The following CDH10 variants were observed in gnomAD, a reference collection of about 807,000 sequenced individuals.
CDH10 encodes the protein cadherin-10.
CDH10 carries 30 observed loss-of-function variants against 73.1 expected under a neutral mutation model. The observed-to-expected ratio is 0.41, with a 90% CI of 0.31 to 0.56. The LOEUF (loss-of-function observed/expected upper bound fraction) is 0.56, where lower values mean the gene tolerates loss of function less well. Ranked by LOEUF, CDH10 falls within the 20% of genes least tolerant of loss-of-function variation. CDH10 has a pLI of 0.27. For missense variants in CDH10, 815 were observed against 973.7 expected, an observed-to-expected ratio of 0.84 and a Z score of 2.17; for synonymous variants, 345 against 348.2, an observed-to-expected ratio of 0.99 and a Z score of 0.10.
chr5:24,555,698 T>A (rs1426280481), intron 2 of CDH10, among the ~76,000 whole-genome samples: 3 of 152,182 alleles, frequency 2.0e-5, no homozygotes, highest in Non-Finnish European at 4.4e-5. Context: ...GATTATCATC[T>A]ATCCTCAAAT....
chr5:24,510,762 T>C (rs977297806), intron 6 of CDH10, among the ~76,000 whole-genome samples: 1 of 152,228 alleles, frequency 6.6e-6, no homozygotes, highest in African/African-American at 2.4e-5. Flanking sequence ...GCCTTATTTT[T>C]TTCTCATAAT....
At chr5:24,495,596 C>T (rs2111665783) in intron 9 of CDH10, among the ~76,000 whole-genome samples, 1 of 152,232 alleles carries the variant, frequency 6.6e-6, no homozygotes, top group Admixed American at 6.5e-5. Context: ...CGCCTGTAAT[C>T]TCAGCATTTT....
intron 2 of CDH10, among the ~76,000 whole-genome samples, chr5:24,580,244 C>A (rs1745750514): frequency 1.3e-5 from 2 of 151,870 alleles, no homozygotes; most frequent in Admixed American, 6.6e-5. Context: ...ATTATATAGA[C>A]TATATATAAT....
intron 1 of CDH10, among the ~76,000 whole-genome samples, chr5:24,596,014 G>A (rs753171603): frequency 6.6e-6 from 1 of 151,830 alleles, no homozygotes; most frequent in Non-Finnish European, 1.5e-5. Context: ...TAATACTGAT[G>A]CAAGATAATT....
intron 2 of CDH10, among the ~76,000 whole-genome samples, chr5:24,551,667 C>A (rs1319609805): frequency 2.0e-5 from 3 of 152,062 alleles, no homozygotes; most frequent in African/African-American, 7.2e-5. Context: ...GTGTGAGCAA[C>A]AGATCTATAT....
chr5:24,507,372 A>G (rs1048828714), intron 7 of CDH10, among the ~76,000 whole-genome samples: 1 of 145,620 alleles, frequency 6.9e-6, no homozygotes, highest in Non-Finnish European at 1.5e-5. Context: ...ACCTAAGAGT[A>G]TTATAATATA....
At chr5:24,535,342 G>T in intron 4 of CDH10, 63 bp from the exon 5 acceptor site, 2 of 1,454,714 alleles carry the variant, frequency 1.4e-6, no homozygotes, top group Non-Finnish European at 1.9e-6. Context: ...ATTTTATTAA[G>T]TCCACAAAAA....
chr5:24,530,101 T>C (rs543923974), intron 5 of CDH10, among the ~76,000 whole-genome samples: 1 of 150,984 alleles, frequency 6.6e-6, no homozygotes, highest in East Asian at 2.0e-4. Context: ...CTTAAATGCT[T>C]TTGCAAACTC....
chr5:24,577,743 T>C (rs1417127377), intron 2 of CDH10, among the ~76,000 whole-genome samples: 3 of 152,144 alleles, frequency 2.0e-5, no homozygotes, highest in Admixed American at 6.6e-5. Flanking sequence ...GTCACCTTGT[T>C]CCTGAGGCTA....
At chr5:24,571,727 T>C (rs1745388159) in intron 2 of CDH10, among the ~76,000 whole-genome samples, 1 of 152,216 alleles carries the variant, frequency 6.6e-6, no homozygotes, top group East Asian at 1.9e-4. Flanking sequence ...TAATGCTATG[T>C]ATCAATGAGC....
chr5:24,555,402 T>G (rs561724447), intron 2 of CDH10, among the ~76,000 whole-genome samples: 2 of 152,282 alleles, frequency 1.3e-5, no homozygotes, highest in African/African-American at 4.8e-5. Flanking sequence ...GCTGCCAGTC[T>G]GGTTTATCAC....
chr5:24,582,548 C>T (rs1260854975), intron 2 of CDH10, among the ~76,000 whole-genome samples: 2 of 151,918 alleles, frequency 1.3e-5, no homozygotes, highest in Admixed American at 1.3e-4. Flanking sequence ...ATTTCCTGGC[C>T]TGGGGAGAGG....
chr5:24,517,921 G>C (rs1743170574), intron 5 of CDH10, among the ~76,000 whole-genome samples: 1 of 152,144 alleles, frequency 6.6e-6, no homozygotes, highest in South Asian at 2.1e-4. Flanking sequence ...CTAGGTTTAA[G>C]GGTGATCCAG....
chr5:24,628,434 A>G lies in CDH10; in HGVS notation c.-124+16160T>C, dbSNP rs558368434. Among the ~76,000 whole-genome samples, 4 of 152,272 alleles carry G rather than the reference A, an allele frequency of 2.6e-5. No homozygotes were observed. In the East Asian group the frequency reaches 5.8e-4, roughly 22 times the overall value. On this transcript the variant is annotated intron_variant, in intron 1 of 11. Coordinates refer to ENST00000264463, the MANE Select transcript of CDH10 (RefSeq NM_006727.5). Reference sequence around the variant, plus strand: ...AATATACATATGAATTTGTGAGCACATATGAGAAAAATGCTAGGAGTGGAG... The same window carrying G: ...AATATACATATGAATTTGTGAGCACGTATGAGAAAAATGCTAGGAGTGGAG...
At position 24,535,117 on chromosome 5, in the gene CDH10, G is replaced by C. The variant is rs1486903846; in HGVS notation, c.809C>G (p.Pro270Arg). ...TDVNDNPPRF[P>R]QNTIHLRVLE... ...GACCATTAAAGGGTGCTTACTCTGG[G>C]GGAAACGTGGTGGGTTGTCATTGAC... The change falls in exon 5 of 12, where the codon CCC (proline) becomes CGC (arginine). Residue 270 changes from proline to arginine, a missense_variant. Physicochemically the swap from Pro to Arg is moderately radical, Grantham distance 103. Transcript: ENST00000264463. The C allele has an allele frequency of 1.2e-6, 2 of 1,605,778 alleles. No individual in the cohort carries two copies. The highest frequency in any genetic ancestry group is 2.7e-5 in the African/African-American group (2 of 74,300).
chr5:24,500,515 C>T (rs1742454078), intron 8 of CDH10, among the ~76,000 whole-genome samples: 1 of 152,206 alleles, frequency 6.6e-6, no homozygotes, highest in Admixed American at 6.5e-5. Flanking sequence ...CGAGGTTTAG[C>T]GTTCAGGCCC....
At chr5:24,496,100 G>A (rs931411587) in intron 9 of CDH10, among the ~76,000 whole-genome samples, 1 of 152,000 alleles carries the variant, frequency 6.6e-6, no homozygotes, top group African/African-American at 2.4e-5. Flanking sequence ...TGGAAAATAT[G>A]TAATGGGATA....
intron 2 of CDH10, chr5:24,554,329 G>A (rs1392936938): frequency 6.6e-6 from 1 of 151,954 alleles, no homozygotes; most frequent in African/African-American, 2.4e-5. Context: ...AATTAGAAAT[G>A]TAATTTATTA....
chr5:24,616,685 C>T (rs538981581), intron 1 of CDH10, among the ~76,000 whole-genome samples: 1 of 152,106 alleles, frequency 6.6e-6, no homozygotes, highest in African/African-American at 2.4e-5. Flanking sequence ...TAAACATTCT[C>T]AGGCACTCAG....
Sources: allele counts gnomAD v4.1 joint callset (sites outside exome capture counted in the v4.1 genomes callset), GRCh38; gene constraint gnomAD v4.1.1; transcripts MANE v1.5; gene names NCBI Gene and HGNC (gene_info 2026-07-23, HGNC 2026-07-21).